Variants in PHACTR3 observed in about 807,000 individuals in gnomAD.
PHACTR3 encodes the protein phosphatase and actin regulator 3.
Under a neutral mutation model 66.8 loss-of-function variants are expected in PHACTR3, and 16 were observed. That is an observed-to-expected ratio of 0.24 (90% CI 0.16 to 0.36). The LOEUF is 0.36. Among genes scored for constraint, PHACTR3 ranks in the 10% least tolerant of loss-of-function variants. PHACTR3 has a pLI of 1.00. For synonymous variants in PHACTR3, 323 were observed against 292.1 expected (o/e 1.11, Z -1.08); for missense variants, 647 against 719.9 (o/e 0.90, Z 1.16).
intron 8 of PHACTR3, among the ~76,000 whole-genome samples, chr20:59,827,961 C>T (rs1321220700): frequency 6.6e-6 from 1 of 152,178 alleles, no homozygotes; most frequent in Admixed American, 6.5e-5. Context: ...ATTGTCACAG[C>T]AACTGGAGCT....
intron 1 of PHACTR3, among the ~76,000 whole-genome samples, chr20:59,708,695 G>C (rs1169677384): frequency 6.6e-6 from 1 of 152,170 alleles, no homozygotes; most frequent in Admixed American, 6.5e-5. Flanking sequence ...TAGGATCTTT[G>C]GGTGATGAAT....
chr20:59,686,057 C>A (rs563145864), intron 1 of PHACTR3, among the ~76,000 whole-genome samples: 5 of 152,206 alleles, frequency 3.3e-5, no homozygotes, highest in African/African-American at 7.2e-5. Context: ...GGCTACCCCC[C>A]CCATACCTAA....
rs1174581319 is a variant in PHACTR3, at chr20:59,830,200, A to ATGAGTGTCTGATAGAAGAGGGCG, written c.1329-6292_1329-6270dup. 6.6e-6 allele frequency among the ~76,000 whole-genome samples: 1 copy of ATGAGTGTCTGATAGAAGAGGGCG among 150,528 alleles called. No individual in the cohort carries two copies. The highest frequency in any genetic ancestry group is 1.9e-4 in the East Asian group (1 of 5,136). On this transcript the variant is annotated intron_variant, in intron 8 of 12. Coordinates refer to ENST00000371015, the MANE Select transcript of PHACTR3 (RefSeq NM_080672.5). The surrounding 1 kb of genome is among the most constrained non-coding windows in gnomAD (Gnocchi z 5.8). ...GTGTGCGTGTCTGATGGAAGAGGGT[A>ATGAGTGTCTGATAGAAGAGGGCG]TGAGTGTCTGATAGAAGAGGGCGTG...
At chr20:59,577,525 G>A (rs540611029) in exon 1 of PHACTR3, 12 of 1,153,814 alleles carry the variant, frequency 1.0e-5, no homozygotes, top group Non-Finnish European at 1.2e-5. Flanking sequence ...GGCCGTGGCG[G>A]GGGGCGCGCC....
At chr20:59,729,934 T>C (rs1211236642) in intron 1 of PHACTR3, among the ~76,000 whole-genome samples, 1 of 152,148 alleles carries the variant, frequency 6.6e-6, no homozygotes, top group South Asian at 2.1e-4. Context: ...ACTTGGTAAA[T>C]CTTCAGAAGC....
intron 1 of PHACTR3, among the ~76,000 whole-genome samples, chr20:59,730,011 C>A (rs2038707097): frequency 6.6e-6 from 1 of 152,106 alleles, no homozygotes; most frequent in Non-Finnish European, 1.5e-5. Flanking sequence ...AGGGACTGTG[C>A]ACTTGAGCAC....
At chr20:59,789,023 G>A (rs563146975) in intron 7 of PHACTR3, among the ~76,000 whole-genome samples, 1 of 152,350 alleles carries the variant, frequency 6.6e-6, no homozygotes, top group Admixed American at 6.5e-5. Context: ...ATGAAGCGAT[G>A]GTAGCTGCCC....
At chr20:59,664,570 C>T (rs1489349513) in intron 1 of PHACTR3, among the ~76,000 whole-genome samples, 2 of 152,228 alleles carry the variant, frequency 1.3e-5, no homozygotes, top group Non-Finnish European at 2.9e-5. Flanking sequence ...CCTTCTCCTA[C>T]ACCTCCCTTC....
intron 1 of PHACTR3, among the ~76,000 whole-genome samples, chr20:59,606,993 T>C (rs1460971439): frequency 2.6e-5 from 4 of 152,186 alleles, no homozygotes; most frequent in African/African-American, 7.2e-5. Context: ...CAGATTGTGT[T>C]TCTGTTCTGG....
At chr20:59,789,236 G>A (rs546143800) in intron 7 of PHACTR3, among the ~76,000 whole-genome samples, 6 of 152,322 alleles carry the variant, frequency 3.9e-5, no homozygotes, top group Non-Finnish European at 7.3e-5. Context: ...TGATCTCACC[G>A]AGATGAGGAG....
intron 1 of PHACTR3, among the ~76,000 whole-genome samples, chr20:59,634,465 G>T (rs139027320): frequency 6.6e-6 from 1 of 152,194 alleles, no homozygotes; most frequent in South Asian, 2.1e-4. Context: ...GCCGTGAACG[G>T]TGGTGATGGT....
intron 1 of PHACTR3, among the ~76,000 whole-genome samples, chr20:59,663,667 G>A (rs190393086): frequency 1.1e-4 from 17 of 152,286 alleles, no homozygotes; most frequent in Non-Finnish European, 1.2e-4. Flanking sequence ...ACGATGCCGC[G>A]TGCAGGAGGT....
At chr20:59,715,403 T>C (rs1164397621) in intron 1 of PHACTR3, among the ~76,000 whole-genome samples, 2 of 152,228 alleles carry the variant, frequency 1.3e-5, no homozygotes, top group African/African-American at 2.4e-5. Context: ...TTCTAATTTA[T>C]TCTGTTAATG....
At chr20:59,808,704 A>T (rs1288854003) in intron 8 of PHACTR3, among the ~76,000 whole-genome samples, 1 of 152,170 alleles carries the variant, frequency 6.6e-6, no homozygotes, top group Non-Finnish European at 1.5e-5. Flanking sequence ...GCAGGTTCTG[A>T]TGCTGCAGGT....
intron 7 of PHACTR3, among the ~76,000 whole-genome samples, chr20:59,789,415 G>C (rs564309919): frequency 1.3e-5 from 2 of 152,210 alleles, no homozygotes; most frequent in East Asian, 1.9e-4. Context: ...TGAAGGTCAG[G>C]GGGTGCTAGG....
chr20:59,783,326 G>C (rs951915767), intron 7 of PHACTR3, among the ~76,000 whole-genome samples: 1 of 152,216 alleles, frequency 6.6e-6, no homozygotes, highest in Non-Finnish European at 1.5e-5. Flanking sequence ...AGCGGAGGCA[G>C]GTCTGGCCCA....
Position 59,847,175 on chromosome 20 carries a change from A to G in PHACTR3, c.*45A>G, listed in dbSNP as rs1164639420. ...ATTTGTGTTTAATTTTTTGATACCA[A>G]CACTGAACATTCATCAGGGAACTTT... On this transcript the variant is annotated 3_prime_UTR_variant, in exon 13 of 13. Coordinates refer to ENST00000371015, the MANE Select transcript of PHACTR3 (RefSeq NM_080672.5). 10 of 1,414,506 alleles carry G rather than the reference A, an allele frequency of 7.1e-6. No individual in the cohort carries two copies. Among genetic ancestry groups the G allele is most frequent in the Non-Finnish European group, 3.0e-6 (3 of 1,008,008 alleles). 87.6% of individuals were successfully genotyped at this position (1,414,506 alleles called of 1,614,324 possible).
chr20:59,747,031 GGAA>G (rs373225933), intron 2 of PHACTR3, among the ~76,000 whole-genome samples: 4 of 152,346 alleles, frequency 2.6e-5, no homozygotes, highest in East Asian at 1.9e-4. Context: ...CCTGACGGAA[GGAA>G]GAAGATGATT....
chr20:59,812,088 G>A (rs985055423), intron 8 of PHACTR3, among the ~76,000 whole-genome samples: 2 of 152,242 alleles, frequency 1.3e-5, no homozygotes, highest in South Asian at 2.1e-4. Flanking sequence ...CATGAACAGC[G>A]GTCACGATGC....
Sources: allele counts gnomAD v4.1 joint callset (sites outside exome capture counted in the v4.1 genomes callset), GRCh38; gene constraint gnomAD v4.1.1; non-coding constraint Gnocchi (gnomAD v3.1); transcripts MANE v1.5; gene names NCBI Gene and HGNC (gene_info 2026-07-23, HGNC 2026-07-21).